Variants in DAPK1 observed in about 807,000 individuals in gnomAD.
DAPK1 encodes death-associated protein kinase 1.
A neutral mutation model predicts 144.9 loss-of-function variants in DAPK1; 56 were observed. That is an observed-to-expected ratio of 0.39 (90% confidence interval 0.31 to 0.48). The LOEUF is 0.48. Ranked by LOEUF, DAPK1 falls within the 20% of genes least tolerant of loss-of-function variation. DAPK1 has a pLI of 0.95. For synonymous variants in DAPK1, 690 were observed against 749.0 expected (o/e 0.92, Z 1.29); for missense variants, 1,454 against 1,875.4 (o/e 0.78, Z 4.15).
intron 2 of DAPK1, among the ~76,000 whole-genome samples, chr9:87,523,122 A>G (rs572829939): frequency 1.4e-4 from 21 of 152,180 alleles, no homozygotes; most frequent in African/African-American, 4.8e-4. Flanking sequence ...ACTATTTTTA[A>G]GTGCACATTC....
chr9:87,620,827 C>T (rs540323642), intron 3 of DAPK1, among the ~76,000 whole-genome samples: 165 of 152,240 alleles, frequency 1.1e-3, no homozygotes, highest in African/African-American at 3.6e-3. Flanking sequence ...TTACTCTGGC[C>T]GCCTTTTGTT....
chr9:87,540,183 C>CTTTTTTTTTTTATTTTTT (rs1825996653), intron 2 of DAPK1, among the ~76,000 whole-genome samples: 1 of 66,130 alleles, frequency 1.5e-5, no homozygotes, highest in African/African-American at 5.8e-5. Flanking sequence ...TTGTTAATCT[C>CTTTTTTTTTTTATTTTTT]TTTTTTTTTT....
intron 11 of DAPK1, among the ~76,000 whole-genome samples, chr9:87,645,598 A>G (rs1830238204): frequency 1.3e-5 from 2 of 152,244 alleles, no homozygotes. Context: ...TCTTAAGATA[A>G]ACACAAAGGG....
intron 2 of DAPK1, among the ~76,000 whole-genome samples, chr9:87,562,384 G>A (rs1009351078): frequency 1.3e-5 from 2 of 152,288 alleles, no homozygotes; most frequent in South Asian, 4.1e-4. Context: ...ACATTGGTGA[G>A]GAAGAGGCTG....
chr9:87,659,060 C>G (rs1178551110), intron 18 of DAPK1, among the ~76,000 whole-genome samples: 2 of 152,234 alleles, frequency 1.3e-5, no homozygotes, highest in African/African-American at 4.8e-5. Context: ...CAGAGCTGAG[C>G]AGCTGTGACA....
chr9:87,622,629 G>A (rs532950815), intron 3 of DAPK1, among the ~76,000 whole-genome samples: 92 of 152,248 alleles, frequency 6.0e-4, no homozygotes, highest in African/African-American at 2.2e-3. Flanking sequence ...GAAAAAAATA[G>A]GCTGGGTGCT....
chr9:87,599,845 A>G (rs1295340697), intron 2 of DAPK1, among the ~76,000 whole-genome samples: 1 of 152,206 alleles, frequency 6.6e-6, no homozygotes, highest in Non-Finnish European at 1.5e-5. Context: ...TCTCTGGTCA[A>G]ATCATTTTTG....
At chr9:87,651,297 T>C (rs1297782818) in intron 16 of DAPK1, among the ~76,000 whole-genome samples, 2 of 152,228 alleles carry the variant, frequency 1.3e-5, no homozygotes, top group Non-Finnish European at 2.9e-5. Context: ...ATCAAGCTAG[T>C]GTTCAGCTTA....
At chr9:87,592,104 T>C (rs1828157472) in intron 2 of DAPK1, among the ~76,000 whole-genome samples, 1 of 152,158 alleles carries the variant, frequency 6.6e-6, no homozygotes, top group Non-Finnish European at 1.5e-5. Context: ...TGTTTCCGTA[T>C]CACTGCAGAC....
rs183565453 is a variant in DAPK1 at position 87,547,388 on chromosome 9, G to A, written c.62+48249G>A. On this transcript the variant is annotated intron_variant, in intron 2 of 25. Coordinates refer to ENST00000408954, the MANE Select transcript of DAPK1 (RefSeq NM_004938.4). Reference sequence around the variant, plus strand: ...AAGACCTTTGCACAGTGGTGGACATGTTCTGTATCTGTGCTGAACAGTACA... The same window carrying A: ...AAGACCTTTGCACAGTGGTGGACATATTCTGTATCTGTGCTGAACAGTACA... Among the ~76,000 whole-genome samples, 25 of 152,290 alleles carry A rather than the reference G, an allele frequency of 1.6e-4. 1 individual carries two copies. Among genetic ancestry groups the A allele is most frequent in the Admixed American group, 1.5e-3 (23 of 15,298 alleles).
intron 3 of DAPK1, chr9:87,632,093 AATAT>A (rs373422206): frequency 2.5e-5 from 15 of 590,886 alleles, no homozygotes; most frequent in Non-Finnish European, 3.2e-5. Flanking sequence ...TATATGTAGA[AATAT>A]ATATATATAT....
intron 19 of DAPK1, among the ~76,000 whole-genome samples, chr9:87,670,046 T>G (rs987198016): frequency 6.6e-6 from 1 of 152,158 alleles, no homozygotes; most frequent in Non-Finnish European, 1.5e-5. Context: ...CTTACTCACC[T>G]GTTCTTACCA....
rs1830253470 is a variant in DAPK1 at position 87,645,953 on chromosome 9, T to C, written c.1070T>C (p.Val357Ala). Residue 357 changes from valine to alanine, a missense_variant, in exon 12 of 26, where the codon GTC becomes GCC. By Grantham distance (64) the Val-to-Ala change is moderately conservative (BLOSUM62 0). Transcript: ENST00000408954. ...ATCCATGCCATCAACGATGACAATG[T>C]CCCAGGCCTGCAGCACCTTCTGGGC... ...AIIHAINDDNVPGLQHLLGSL... is the reference protein window; with the variant it reads ...AIIHAINDDNAPGLQHLLGSL... 1 of 1,614,018 alleles carries C rather than the reference T, an allele frequency of 6.2e-7. No homozygotes were observed. Among genetic ancestry groups the C allele is most frequent in the Admixed American group, 1.7e-5 (1 of 59,998 alleles).
At position 87,666,347 on chromosome 9, in the gene DAPK1, C is replaced by G. The variant is rs185037909; in HGVS notation, c.1924-2250C>G. Among the ~76,000 whole-genome samples the G allele has an allele frequency of 1.7e-3, 253 of 152,302 alleles. 1 individual carries two copies. The highest frequency in any genetic ancestry group is 2.6e-3 in the Non-Finnish European group (177 of 68,020). On this transcript the variant is annotated intron_variant, in intron 18 of 25. Coordinates refer to ENST00000408954, the MANE Select transcript of DAPK1 (RefSeq NM_004938.4). The stretch of plus-strand genomic sequence containing the variant: ...TCTTCTCCCAACTTCAAACTGTCTC[C>G]TGCACTGCCAGGCATTTCTGTTGAA...
chr9:87,550,967 C>G (rs1272911704), intron 2 of DAPK1, among the ~76,000 whole-genome samples: 2 of 152,190 alleles, frequency 1.3e-5, no homozygotes, highest in African/African-American at 4.8e-5. Flanking sequence ...GGGGGCTAAC[C>G]TGGGGACACA....
At chr9:87,563,011 A>G (rs1281403409) in intron 2 of DAPK1, among the ~76,000 whole-genome samples, 2 of 152,182 alleles carry the variant, frequency 1.3e-5, no homozygotes, top group Admixed American at 1.3e-4. Context: ...AGGTTGGACA[A>G]TGGAAGGAGG....
chr9:87,516,790 G>T (rs992100068), intron 2 of DAPK1, among the ~76,000 whole-genome samples: 7 of 152,214 alleles, frequency 4.6e-5, no homozygotes, highest in Middle Eastern at 3.4e-3. Context: ...TGCTAGGTTC[G>T]GTGGATTGGA....
chr9:87,586,669 T>C (rs1445393862), intron 2 of DAPK1, among the ~76,000 whole-genome samples: 1 of 152,206 alleles, frequency 6.6e-6, no homozygotes, highest in Non-Finnish European at 1.5e-5. Flanking sequence ...TTTTTGCCTA[T>C]GTCTGAGGGA....
rs543966538 is a variant in DAPK1 at position 87,694,491 on chromosome 9, T to C, written c.2414-2516T>C. Among the ~76,000 whole-genome samples the C allele has an allele frequency of 3.9e-5, 6 of 152,324 alleles. No homozygotes were observed. In the East Asian group the frequency reaches 1.2e-3, roughly 29 times the overall value. On this transcript the variant is annotated intron_variant, in intron 21 of 25. Coordinates refer to ENST00000408954, the MANE Select transcript of DAPK1 (RefSeq NM_004938.4). ...CAAAATGCTTGAGTCAGGGAGGCAG[T>C]GGCTGCACTGTGGCTCTGCTACTGG...
Sources: allele counts gnomAD v4.1 joint callset (sites outside exome capture counted in the v4.1 genomes callset), GRCh38; gene constraint gnomAD v4.1.1; transcripts MANE v1.5; gene names NCBI Gene and HGNC (gene_info 2026-07-23, HGNC 2026-07-21).